Variants in RIN2 observed in about 807,000 individuals in gnomAD.
The protein encoded by RIN2 is Ras and Rab interactor 2.
In RIN2, 36 loss-of-function variants were observed where a neutral mutation model predicts 78.0. The ratio of observed to expected loss-of-function variants is 0.46; its 90% CI spans 0.35 to 0.61. RIN2 has a LOEUF of 0.61. RIN2 is among the 20% of genes least tolerant of loss of function. RIN2 has a pLI of 0.00. For synonymous variants in RIN2, 466 were observed against 466.8 expected (o/e 1.00, Z 0.02); for missense variants, 1,087 against 1,159.7 (o/e 0.94, Z 0.91).
intron 3 of RIN2, among the ~76,000 whole-genome samples, chr20:19,918,511 C>A (rs1181054475): frequency 1.3e-5 from 2 of 152,034 alleles, no homozygotes; most frequent in Non-Finnish European, 2.9e-5. Context: ...CGAACTTTGT[C>A]ATCTACTATG....
chr20:19,827,697 C>T (rs1254057332), intron 2 of RIN2, among the ~76,000 whole-genome samples: 1 of 152,102 alleles, frequency 6.6e-6, no homozygotes, highest in African/African-American at 2.4e-5. Flanking sequence ...GGATCCAGTC[C>T]CGCTTTTTAA....
At chr20:19,844,574 A>AGCT (rs67145587) in intron 2 of RIN2, among the ~76,000 whole-genome samples, 5,592 of 139,712 alleles carry the variant, frequency 0.04, 294 homozygotes, top group Middle Eastern at 0.083. Flanking sequence ...CCAACTAGAG[A>AGCT]GCTGCTGCTG....
intron 9 of RIN2, among the ~76,000 whole-genome samples, chr20:19,981,791 TTTA>T (rs2042461862): frequency 6.6e-6 from 1 of 152,238 alleles, no homozygotes; most frequent in African/African-American, 2.4e-5. Context: ...TCCTTCAGTA[TTTA>T]TTATTTATGA....
At chr20:19,912,475 C>CTTTTTTTTTTTTTTT (rs545323465) in intron 3 of RIN2, among the ~76,000 whole-genome samples, 4 of 110,932 alleles carry the variant, frequency 3.6e-5, no homozygotes, top group African/African-American at 7.1e-5. Flanking sequence ...TTTTCTTTTT[C>CTTTTTTTTTTTTTTT]TTTTTTTTTT....
chr20:19,867,546 C>T (rs1469881604), intron 2 of RIN2, among the ~76,000 whole-genome samples: 1 of 152,154 alleles, frequency 6.6e-6, no homozygotes, highest in Non-Finnish European at 1.5e-5. Context: ...AAGACCTTTA[C>T]GTTTTTAGAG....
rs983387811 is a variant in RIN2 at position 19,843,580 on chromosome 20, G to A, written c.-37+43833G>A. Among the ~76,000 whole-genome samples, 9 of 152,282 alleles carry A rather than the reference G, an allele frequency of 5.9e-5. 2 individuals are homozygous for A. Among genetic ancestry groups the A allele is most frequent in the Admixed American group, 2.0e-4 (3 of 15,300 alleles). On this transcript the variant is annotated intron_variant, in intron 2 of 12. Coordinates refer to ENST00000255006, the MANE Select transcript of RIN2 (RefSeq NM_018993.4). The stretch of plus-strand genomic sequence containing the variant: ...GTTATTAGGTACTTAATAGACTATA[G>A]TAGAGTCTAAACATAACTTCTACAT...
rs1180715873 is a variant in RIN2 at position 19,831,094 on chromosome 20, C to G, written c.-37+31347C>G. 3.9e-5 allele frequency among the ~76,000 whole-genome samples: 6 copies of G among 152,168 alleles called. No homozygotes were observed. The South Asian group carries it at 1.2e-3, about 32-fold the overall frequency. On this transcript the variant is annotated intron_variant, in intron 2 of 12. Transcript: ENST00000255006. ...CCCAACCCATGACCATCAGCCTCTT[C>G]TAGAAGTACACAGATGCCCCAGCAT...
chr20:19,864,667 G>C (rs904987917), intron 2 of RIN2, among the ~76,000 whole-genome samples: 8 of 152,156 alleles, frequency 5.3e-5, no homozygotes, highest in African/African-American at 1.4e-4. Context: ...TCAGCAGGTG[G>C]GTAAAGCTAG....
At chr20:19,972,125 A>G (rs1444819572) in intron 8 of RIN2, among the ~76,000 whole-genome samples, 1 of 152,114 alleles carries the variant, frequency 6.6e-6, no homozygotes, top group Admixed American at 6.5e-5. Flanking sequence ...TGGGATTTGG[A>G]AAGAGAATAC....
chr20:19,935,480 C>G, intron 4 of RIN2: 1 of 1,186,836 alleles, frequency 8.4e-7, no homozygotes, highest in Non-Finnish European at 1.0e-6. Context: ...TCCACCTACT[C>G]CCAATGATGG....
chr20:19,971,375 G>A (rs1056984513), intron 8 of RIN2, among the ~76,000 whole-genome samples: 1 of 152,078 alleles, frequency 6.6e-6, no homozygotes, highest in South Asian at 2.1e-4. Context: ...TTGCTTCCCC[G>A]TCCTGTCCCT....
chr20:19,983,218 T>C (rs6046504), intron 9 of RIN2, among the ~76,000 whole-genome samples: 58,878 of 152,132 alleles, frequency 0.39, 13,741 homozygotes, highest in African/African-American at 0.65. Flanking sequence ...AAGGAGAATA[T>C]GTTAGCACAT....
chr20:19,828,078 C>T (rs773548566), intron 2 of RIN2, among the ~76,000 whole-genome samples: 2 of 152,110 alleles, frequency 1.3e-5, no homozygotes, highest in Non-Finnish European at 2.9e-5. Flanking sequence ...TCCCTCTTAG[C>T]TACTGACTTA....
At chr20:19,899,261 A>G (rs6046436) in intron 3 of RIN2, among the ~76,000 whole-genome samples, 32 of 152,192 alleles carry the variant, frequency 2.1e-4, no homozygotes, top group African/African-American at 7.0e-4. Flanking sequence ...GCTCTTTTTC[A>G]TGGTGTAAAA....
At chr20:19,785,445 C>T (rs1453691529) in intron 1 of RIN2, among the ~76,000 whole-genome samples, 2 of 152,184 alleles carry the variant, frequency 1.3e-5, no homozygotes, top group South Asian at 2.1e-4. Context: ...TGAGAGTTGA[C>T]TGAACTCCGG....
chr20:19,808,615 C>A (rs1399120526), intron 2 of RIN2, among the ~76,000 whole-genome samples: 3 of 152,212 alleles, frequency 2.0e-5, no homozygotes, highest in Admixed American at 2.0e-4. Flanking sequence ...GGTTGGTGGG[C>A]CCCTGTTTGT....
chr20:19,995,909 C>A (rs1446257329), intron 11 of RIN2, among the ~76,000 whole-genome samples: 3 of 152,120 alleles, frequency 2.0e-5, no homozygotes, highest in Non-Finnish European at 4.4e-5. Flanking sequence ...CGAGTCTGGA[C>A]TGATGGAGGG....
chr20:19,772,982 A>G (rs6035434), intron 1 of RIN2, among the ~76,000 whole-genome samples: 20,014 of 152,172 alleles, frequency 0.13, 1,961 homozygotes, highest in African/African-American at 0.27. Context: ...AAAATACCAC[A>G]AACAAGGTGG....
rs2146325201 is a variant in RIN2, at chr20:19,975,871, T to C, written c.1762+84T>C. 1 of 1,328,024 alleles carries C rather than the reference T, an allele frequency of 7.5e-7. No individual in the cohort carries two copies. The highest frequency in any genetic ancestry group is 2.5e-5 in the East Asian group (1 of 39,870). 82.3% of individuals were successfully genotyped at this position (1,328,024 alleles called of 1,614,324 possible). A position where few individuals can be genotyped will look rare whatever the true frequency, so the allele number is the denominator to read the frequency against. On this transcript the variant is annotated intron_variant, in intron 9 of 12. Coordinates refer to ENST00000255006, the MANE Select transcript of RIN2 (RefSeq NM_018993.4). This position sits in a 1 kb window ranked among gnomAD's most constrained non-coding sequence, Gnocchi z 4.9. ...CCTATGTTTGTTATTTTTTATGAAG[T>C]TTACTCCGAAGTTCAAAACAACACC...
Sources: gnomAD v4.1 joint callset for allele counts (sites outside exome capture counted in the v4.1 genomes callset) on GRCh38, gnomAD v4.1.1 for gene constraint, Gnocchi (gnomAD v3.1) non-coding constraint, MANE v1.5 for transcripts, NCBI Gene and HGNC (gene_info 2026-07-23, HGNC 2026-07-21) for gene names.